The following HDGFL3 variants were observed in gnomAD, a reference collection of about 807,000 sequenced individuals.
The protein encoded by HDGFL3 is hepatoma-derived growth factor-related protein 3.
In HDGFL3, 6 loss-of-function variants were observed where a neutral mutation model predicts 27.6. The ratio of observed to expected loss-of-function variants is 0.22; its 90% CI spans 0.12 to 0.43. The LOEUF is 0.43. HDGFL3 is among the 20% of genes least tolerant of loss of function. The pLI, the probability that HDGFL3 is intolerant of heterozygous loss-of-function variation, is 1.00. For missense variants in HDGFL3, 207 were observed against 250.1 expected (o/e 0.83, Z 1.16); for synonymous variants, 88 against 88.9 (o/e 0.99, Z 0.05).
Position 83,164,031 on chromosome 15 carries a change from C to T in HDGFL3, c.129G>A (p.Lys43=). 1 of 1,611,748 alleles carries T rather than the reference C, an allele frequency of 6.2e-7. No homozygotes were observed. Among genetic ancestry groups the T allele is most frequent in the Non-Finnish European group, 8.5e-7 (1 of 1,179,206 alleles). The change falls in exon 2 of 6, where the codon AAG becomes AAA. Residue 43 remains lysine (K), a synonymous_variant. Coordinates refer to ENST00000299633, the MANE Select transcript of HDGFL3 (RefSeq NM_016073.4). The stretch of plus-strand genomic sequence containing the variant: ...GGGTGCCAAAAAAGAAGATAGGATA[C>T]TTGTTTGCTGGAGGCTTCACAGCGC... The part of the protein sequence containing the change: ...PEGAVKPPAN[K]YPIFFFGTHE...
chr15:83,112,866 C>G, exon 4 of HDGFL3: 1 of 1,614,120 alleles, frequency 6.2e-7, no homozygotes, highest in East Asian at 2.2e-5. Context: ...GTGTCCTCGT[C>G]AAAAGAAAAC....
intron 1 of HDGFL3, among the ~76,000 whole-genome samples, chr15:83,197,753 G>A (rs1286065969): frequency 6.6e-6 from 1 of 152,076 alleles, no homozygotes; most frequent in Non-Finnish European, 1.5e-5. Flanking sequence ...GCAAACGTGT[G>A]GAACTTACTA....
Position 83,151,245 on chromosome 15 carries a change from T to C in HDGFL3, c.576A>G (p.Thr192=). 2 of 1,613,050 alleles carry C rather than the reference T, an allele frequency of 1.2e-6. No individual in the cohort carries two copies. Among genetic ancestry groups the C allele is most frequent in the Non-Finnish European group, 1.7e-6 (2 of 1,179,798 alleles). ...CACTGGTTTTCTGCAAGTCTGAAGTTGTGTTTCTTGTGTCGTTGCCCGCAT... is the reference window on the plus strand; with the variant it reads ...CACTGGTTTTCTGCAAGTCTGAAGTCGTGTTTCTTGTGTCGTTGCCCGCAT... ...GGDAGNDTRN[T]TSDLQKTSEG... Residue 192 remains threonine (T), a synonymous_variant, in exon 5 of 6, where the codon ACA becomes ACG. Coordinates refer to ENST00000299633, the MANE Select transcript of HDGFL3 (RefSeq NM_016073.4).
At chr15:83,202,969 C>G (rs557633653) in intron 1 of HDGFL3, among the ~76,000 whole-genome samples, 5 of 152,136 alleles carry the variant, frequency 3.3e-5, no homozygotes, top group Admixed American at 3.3e-4. Flanking sequence ...TATGAGCATT[C>G]TTGTACAGTA....
At chr15:83,181,562 G>A (rs532415173) in intron 1 of HDGFL3, among the ~76,000 whole-genome samples, 20 of 152,160 alleles carry the variant, frequency 1.3e-4, no homozygotes, top group African/African-American at 4.1e-4. Context: ...TGCAGCCTCC[G>A]CCTCCTGGGT....
chr15:83,151,658 C>T (rs1016907528), intron 4 of HDGFL3, among the ~76,000 whole-genome samples: 15 of 152,120 alleles, frequency 9.9e-5, no homozygotes, highest in African/African-American at 2.4e-5. Context: ...ACCTAGAACA[C>T]TGTCAATGAA....
intron 1 of HDGFL3, among the ~76,000 whole-genome samples, chr15:83,205,535 A>G (rs2037706122): frequency 3.3e-5 from 5 of 152,220 alleles, no homozygotes; most frequent in Admixed American, 1.3e-4. Context: ...TCTGTTTCAC[A>G]AATTACTACA....
intron 1 of HDGFL3, among the ~76,000 whole-genome samples, chr15:83,204,520 T>C (rs1275585442): frequency 6.6e-6 from 1 of 152,176 alleles, no homozygotes; most frequent in African/African-American, 2.4e-5. Context: ...TGAAATTTAA[T>C]TGTAGAATCT....
chr15:83,123,950 C>A (rs1039897750), downstream of HDGFL3, among the ~76,000 whole-genome samples: 1 of 146,346 alleles, frequency 6.8e-6, no homozygotes, highest in Non-Finnish European at 1.5e-5. Flanking sequence ...ATGTTATCAA[C>A]CTTAATAATT....
chr15:83,136,908 T>A lies in HDGFL3; in HGVS notation c.*2362A>T. On this transcript the variant is annotated 3_prime_UTR_variant, in exon 6 of 6. Transcript: ENST00000299633. ...TATTCAAAATCATTTGTGAATAAAC[T>A]TGATCATCCATCTCAATATTGTTTG... 1 of 330,164 alleles carries A rather than the reference T, an allele frequency of 3.0e-6. No homozygotes were observed. Among genetic ancestry groups the A allele is most frequent in the East Asian group, 5.1e-5 (1 of 19,738 alleles). The allele number at this position is 330,164 out of a possible 1,614,324, so 20.5% of individuals were successfully genotyped here. A position where few individuals can be genotyped will look rare whatever the true frequency, so the allele number is the denominator to read the frequency against.
At chr15:83,114,451 C>T (rs866264417) in exon 4 of HDGFL3, 5 of 152,258 alleles carry the variant, frequency 3.3e-5, no homozygotes, top group Admixed American at 6.5e-5. Flanking sequence ...CATATGATGG[C>T]TAATCACCTG....
intron 2 of HDGFL3, among the ~76,000 whole-genome samples, chr15:83,162,164 G>A (rs1001188161): frequency 2.0e-5 from 3 of 152,136 alleles, no homozygotes; most frequent in African/African-American, 7.2e-5. Flanking sequence ...CCATGGGCCA[G>A]GCACTGTGTT....
intron 5 of HDGFL3, among the ~76,000 whole-genome samples, chr15:83,149,320 T>A (rs1350962512): frequency 6.6e-6 from 1 of 152,240 alleles, no homozygotes; most frequent in Non-Finnish European, 1.5e-5. Flanking sequence ...AATGGTTTTA[T>A]TAGTGGTTAG....
At chr15:83,115,664 G>A (rs938703094) in exon 4 of HDGFL3, 11 of 694,900 alleles carry the variant, frequency 1.6e-5, no homozygotes, top group East Asian at 2.7e-5. Context: ...GGAGAGCTGC[G>A]AACACAGGTG....
intron 1 of HDGFL3, among the ~76,000 whole-genome samples, chr15:83,190,456 C>A (rs1041170211): frequency 6.6e-6 from 1 of 152,262 alleles, no homozygotes; most frequent in South Asian, 2.1e-4. Context: ...TCACCCATAT[C>A]CTCTTTAACA....
At chr15:83,206,650 C>G (rs2037720824) in intron 1 of HDGFL3, among the ~76,000 whole-genome samples, 1 of 152,286 alleles carries the variant, frequency 6.6e-6, no homozygotes, top group African/African-American at 2.4e-5. Flanking sequence ...TGGAAAGGCA[C>G]AAGAAGCTTG....
intron 3 of HDGFL3, among the ~76,000 whole-genome samples, chr15:83,120,969 G>A (rs2035182254): frequency 6.6e-6 from 1 of 152,068 alleles, no homozygotes; most frequent in Middle Eastern, 3.4e-3. Flanking sequence ...GGGGCAGGAC[G>A]CACACAGTAT....
chr15:83,183,558 C>T (rs964448454), intron 1 of HDGFL3, among the ~76,000 whole-genome samples: 4 of 151,956 alleles, frequency 2.6e-5, no homozygotes, highest in Admixed American at 6.6e-5. Flanking sequence ...GTCAGGAAGT[C>T]GAGAACAGCC....
chr15:83,140,481 GTTTTTT>G (rs11429826), intron 5 of HDGFL3, among the ~76,000 whole-genome samples: 1 of 135,756 alleles, frequency 7.4e-6, no homozygotes, highest in African/African-American at 2.7e-5. Context: ...ACCAAAGAAA[GTTTTTT>G]TTTTTTTTTT....
Sources: gnomAD v4.1 joint callset for allele counts (sites outside exome capture counted in the v4.1 genomes callset) on GRCh38, gnomAD v4.1.1 for gene constraint, MANE v1.5 for transcripts, NCBI Gene and HGNC (gene_info 2026-07-23, HGNC 2026-07-21) for gene names.